GATAD2A: variants seen among roughly 807,000 people sequenced by gnomAD.
GATAD2A encodes the protein transcriptional repressor p66-alpha.
GATAD2A carries 12 observed loss-of-function variants against 68.5 expected under a neutral mutation model. The observed-to-expected ratio is 0.18, with a 90% CI of 0.11 to 0.28. The LOEUF (loss-of-function observed/expected upper bound fraction) is 0.28. Ranked by LOEUF, GATAD2A falls within the 10% of genes least tolerant of loss-of-function variation. The pLI is 1.00. For missense variants in GATAD2A, 755 were observed against 868.5 expected, an observed-to-expected ratio of 0.87 and a Z score of 1.64; for synonymous variants, 410 against 375.3, an observed-to-expected ratio of 1.09 and a Z score of -1.07.
chr19:19,486,357 C>T (rs1319532544), intron 2 of GATAD2A, among the ~76,000 whole-genome samples: 2 of 152,164 alleles, frequency 1.3e-5, no homozygotes, highest in Non-Finnish European at 2.9e-5. Context: ...TTCTAAGGCC[C>T]GACAATCCAA....
chr19:19,504,930 C>G (rs78591563), intron 11 of GATAD2A, among the ~76,000 whole-genome samples: 1 of 152,154 alleles, frequency 6.6e-6, no homozygotes, highest in Admixed American at 6.5e-5. Context: ...TAGGCTGAGC[C>G]TCCGTGCCCA....
chr19:19,477,432 CAA>C (rs2060572202), intron 2 of GATAD2A, among the ~76,000 whole-genome samples: 1 of 152,110 alleles, frequency 6.6e-6, no homozygotes, highest in African/African-American at 2.4e-5. Flanking sequence ...AGCTTTCGTA[CAA>C]AGAGCATTCT....
chr19:19,481,263 A>T (rs1001100590), intron 2 of GATAD2A, among the ~76,000 whole-genome samples: 1 of 152,104 alleles, frequency 6.6e-6, no homozygotes, highest in African/African-American at 2.4e-5. Flanking sequence ...TGAGCTCCAC[A>T]ACCATCCTAC....
At chr19:19,416,074 T>C (rs752022158) in intron 1 of GATAD2A, among the ~76,000 whole-genome samples, 1 of 152,156 alleles carries the variant, frequency 6.6e-6, no homozygotes, top group Non-Finnish European at 1.5e-5. Flanking sequence ...TCCTCCCACC[T>C]TAGTCTCCTA....
At chr19:19,483,550 A>G (rs1467051640) in intron 2 of GATAD2A, among the ~76,000 whole-genome samples, 1 of 151,944 alleles carries the variant, frequency 6.6e-6, no homozygotes, top group Non-Finnish European at 1.5e-5. Flanking sequence ...GGCGAGAAGC[A>G]GGTGGGCCTC....
At chr19:19,412,406 C>T (rs757701938) in intron 1 of GATAD2A, among the ~76,000 whole-genome samples, 3 of 151,890 alleles carry the variant, frequency 2.0e-5, no homozygotes, top group East Asian at 1.9e-4. Context: ...CCACCTGCCT[C>T]GGCCTCCCAA....
At chr19:19,455,340 G>A (rs1485663604) in intron 1 of GATAD2A, among the ~76,000 whole-genome samples, 1 of 151,938 alleles carries the variant, frequency 6.6e-6, no homozygotes, top group Non-Finnish European at 1.5e-5. Flanking sequence ...AATACAAAAA[G>A]TTAGCCAGGC....
In GATAD2A at chr19:19,492,771, C is replaced by T. The variant is rs1406453823; in HGVS notation, c.534+59C>T. 3.2e-6 allele frequency: 5 copies of T among 1,574,812 alleles called. No homozygotes were observed. In the African/African-American group the frequency reaches 5.4e-5, roughly 17 times the overall value. Reference sequence around the variant, plus strand: ...CAGGAGCGCCTGGCCTTGCCTTGATCCCCTCATCAATGTCAGCGGCCAGAA... The same window carrying T: ...CAGGAGCGCCTGGCCTTGCCTTGATTCCCTCATCAATGTCAGCGGCCAGAA... On this transcript the variant is annotated intron_variant, in intron 4 of 11. Transcript: ENST00000683918.
chr19:19,409,301 G>A (rs1010399077), intron 1 of GATAD2A, among the ~76,000 whole-genome samples: 1 of 152,100 alleles, frequency 6.6e-6, no homozygotes, highest in African/African-American at 2.4e-5. Context: ...GTTAATTTAT[G>A]CTGGTTGTAG....
At chr19:19,412,299 G>A (rs1428734181) in intron 1 of GATAD2A, among the ~76,000 whole-genome samples, 1 of 151,706 alleles carries the variant, frequency 6.6e-6, no homozygotes, top group Non-Finnish European at 1.5e-5. Flanking sequence ...GGGACTACAG[G>A]TGCCCGCCAC....
chr19:19,475,483 C>CA (rs923932215), intron 2 of GATAD2A, among the ~76,000 whole-genome samples: 5 of 88,002 alleles, frequency 5.7e-5, no homozygotes, highest in Admixed American at 4.1e-4. Flanking sequence ...CTCTCTGGAG[C>CA]CCCCCCCCCT....
chr19:19,406,596 C>G (rs1013783007), intron 1 of GATAD2A, among the ~76,000 whole-genome samples: 5 of 152,212 alleles, frequency 3.3e-5, no homozygotes, highest in South Asian at 2.1e-4. Context: ...CCTCTCTGAT[C>G]TCCGGCCTTT....
intron 4 of GATAD2A, among the ~76,000 whole-genome samples, 183 bp downstream of exon 4, chr19:19,492,895 G>C (rs545499065): frequency 6.6e-6 from 1 of 151,796 alleles, no homozygotes; most frequent in African/African-American, 2.4e-5. Flanking sequence ...AGATGTTAAA[G>C]TGAATTTCAG....
intron 1 of GATAD2A, among the ~76,000 whole-genome samples, chr19:19,414,686 G>C (rs572898921): frequency 8.0e-5 from 12 of 149,466 alleles, no homozygotes; most frequent in Admixed American, 4.0e-4. Context: ...ACAGGCGCAC[G>C]CCACCACGCC....
At chr19:19,449,594 CAAAAA>C (rs10532588) in intron 1 of GATAD2A, among the ~76,000 whole-genome samples, 4 of 141,046 alleles carry the variant, frequency 2.8e-5, no homozygotes, top group Non-Finnish European at 6.2e-5. Context: ...TTAAATGTAT[CAAAAA>C]AAAAAAAAAA....
At chr19:19,449,319 C>G (rs1463603332) in intron 1 of GATAD2A, among the ~76,000 whole-genome samples, 1 of 150,608 alleles carries the variant, frequency 6.6e-6, no homozygotes, top group East Asian at 1.9e-4. Flanking sequence ...CAGAGCTGCT[C>G]TCCACTGTGC....
intron 1 of GATAD2A, among the ~76,000 whole-genome samples, chr19:19,390,100 G>A (rs1237324706): frequency 6.6e-6 from 1 of 152,172 alleles, no homozygotes; most frequent in Non-Finnish European, 1.5e-5. Flanking sequence ...CCAGCAGATG[G>A]GATGTTAAAA....
intron 1 of GATAD2A, among the ~76,000 whole-genome samples, chr19:19,389,844 C>T (rs2048715021): frequency 6.6e-6 from 1 of 152,138 alleles, no homozygotes; most frequent in Non-Finnish European, 1.5e-5. Context: ...CTCACTGCAA[C>T]CTCTGCCCTA....
chr19:19,445,777 A>G (rs1021641834), intron 1 of GATAD2A, among the ~76,000 whole-genome samples: 1 of 152,022 alleles, frequency 6.6e-6, no homozygotes, highest in Non-Finnish European at 1.5e-5. Context: ...ATAATATTCC[A>G]TTGTCTAGAT....
Sources: gnomAD v4.1 joint callset for allele counts (sites outside exome capture counted in the v4.1 genomes callset) on GRCh38, gnomAD v4.1.1 for gene constraint, MANE v1.5 for transcripts, NCBI Gene and HGNC (gene_info 2026-07-23, HGNC 2026-07-21) for gene names.